The following UTRN variants were observed in gnomAD, a reference collection of about 807,000 sequenced individuals.
UTRN encodes dystrophin-related protein 1.
UTRN carries 283 observed loss-of-function variants against 463.9 expected under a neutral mutation model. The observed-to-expected ratio is 0.61, with a 90% CI of 0.55 to 0.67. UTRN has a LOEUF of 0.67. Ranked by LOEUF, UTRN falls within the 30% of genes least tolerant of loss-of-function variation. UTRN has a pLI of 0.00. For synonymous variants in UTRN, 1,442 were observed against 1,431.5 expected (o/e 1.01, Z -0.17); for missense variants, 3,922 against 4,084.3 (o/e 0.96, Z 1.08).
intron 62 of UTRN, 39 bp downstream of exon 62, chr6:144,789,318 A>G: frequency 1.4e-6 from 2 of 1,439,636 alleles, no homozygotes; most frequent in Non-Finnish European, 1.9e-6. Context: ...TGTTTTTAGT[A>G]ATAATAATGA....
chr6:144,310,106 A>G (rs1003810067), intron 2 of UTRN, among the ~76,000 whole-genome samples: 14 of 152,242 alleles, frequency 9.2e-5, no homozygotes, highest in African/African-American at 3.1e-4. Context: ...TCTAGGTTGA[A>G]TCACTAGTAT....
At chr6:144,490,770 C>T (rs1462373460) in intron 31 of UTRN, among the ~76,000 whole-genome samples, 159 bp from the exon 32 acceptor site, 1 of 152,154 alleles carries the variant, frequency 6.6e-6, no homozygotes, top group East Asian at 1.9e-4. Flanking sequence ...ATCGGGTACC[C>T]TCACTGAGAT....
intron 51 of UTRN, among the ~76,000 whole-genome samples, chr6:144,673,075 G>A (rs1781219080): frequency 6.6e-6 from 1 of 152,016 alleles, no homozygotes; most frequent in South Asian, 2.1e-4. Context: ...ATTTATTGAG[G>A]ATTGTTTTAT....
At chr6:144,543,999 T>C (rs1019248439) in intron 46 of UTRN, among the ~76,000 whole-genome samples, 7 of 152,200 alleles carry the variant, frequency 4.6e-5, no homozygotes, top group African/African-American at 1.7e-4. Context: ...TCCATAATCA[T>C]AGGGAAAGAA....
At chr6:144,824,431 C>CATTGTATATATATACACTATGTATATAT (rs1554407785) in intron 66 of UTRN, among the ~76,000 whole-genome samples, 17,115 of 112,490 alleles carry the variant, frequency 0.15, 1,471 homozygotes, top group South Asian at 0.2. Context: ...CACACACACA[C>CATTGTATATATATACACTATGTATATAT]ATTGTATATA....
chr6:144,784,529 T>C (rs1368621421), intron 61 of UTRN, among the ~76,000 whole-genome samples: 2 of 152,324 alleles, frequency 1.3e-5, no homozygotes, highest in Admixed American at 1.3e-4. Flanking sequence ...CTTAATTACA[T>C]CTTTAAAGAC....
At chr6:144,550,292 G>C (rs754452711) in intron 47 of UTRN, among the ~76,000 whole-genome samples, 1 of 152,104 alleles carries the variant, frequency 6.6e-6, no homozygotes, top group East Asian at 1.9e-4. Context: ...CTACAAAACG[G>C]GTGAATTTGT....
chr6:144,420,984 G>A (rs116037159), intron 3 of UTRN, among the ~76,000 whole-genome samples: 519 of 152,190 alleles, frequency 3.4e-3, no homozygotes, highest in African/African-American at 0.011. Context: ...CTGTATATTT[G>A]TGTGAAATTA....
intron 27 of UTRN, among the ~76,000 whole-genome samples, chr6:144,484,995 ACCTCCG>A (rs1792285336): frequency 6.6e-6 from 1 of 150,508 alleles, no homozygotes; most frequent in African/African-American, 2.4e-5. Flanking sequence ...GCTCACCGCA[ACCTCCG>A]CCTCCCGGGT....
chr6:144,649,465 T>C (rs146605108), intron 51 of UTRN, among the ~76,000 whole-genome samples: 75 of 152,352 alleles, frequency 4.9e-4, no homozygotes, highest in Middle Eastern at 3.4e-3. Flanking sequence ...ACATTTCAGA[T>C]GTTTAATAGC....
intron 53 of UTRN, among the ~76,000 whole-genome samples, chr6:144,724,338 C>T (rs1377558340): frequency 1.7e-4 from 26 of 149,506 alleles, no homozygotes; most frequent in Admixed American, 1.7e-3. Flanking sequence ...AAGTGATTCT[C>T]CTGCCTCAGC....
At chr6:144,844,415 C>G (rs1230653092) in intron 73 of UTRN, among the ~76,000 whole-genome samples, 1 of 152,058 alleles carries the variant, frequency 6.6e-6, no homozygotes, top group Admixed American at 6.5e-5. Context: ...ACTACAGGCA[C>G]ATGCCACCAC....
chr6:144,592,695 C>T (rs371804572), intron 51 of UTRN, among the ~76,000 whole-genome samples: 18 of 152,198 alleles, frequency 1.2e-4, no homozygotes, highest in South Asian at 1.0e-3. Context: ...TATTTATTGC[C>T]GGATTTCCAT....
At chr6:144,595,955 C>T (rs1022472126) in intron 51 of UTRN, among the ~76,000 whole-genome samples, 2 of 151,998 alleles carry the variant, frequency 1.3e-5, no homozygotes, top group African/African-American at 4.8e-5. Context: ...TGTGGAAGAT[C>T]CTTATACGGT....
intron 51 of UTRN, 26 bp downstream of exon 51, chr6:144,577,314 T>C (rs769891820): frequency 6.2e-7 from 1 of 1,609,174 alleles, no homozygotes; most frequent in Non-Finnish European, 8.5e-7. Context: ...ACCACACCAG[T>C]ACCTGTGTTT....
intron 51 of UTRN, among the ~76,000 whole-genome samples, chr6:144,675,389 C>G (rs932767724): frequency 2.6e-5 from 4 of 152,156 alleles, no homozygotes; most frequent in Non-Finnish European, 5.9e-5. Flanking sequence ...CTGTGGGAAT[C>G]CTTGGTTGTA....
intron 23 of UTRN, among the ~76,000 whole-genome samples, chr6:144,466,520 T>C (rs140404097): frequency 5.3e-5 from 8 of 152,368 alleles, no homozygotes; most frequent in African/African-American, 1.9e-4. Context: ...CCTCCATTCC[T>C]GTACTTACGA....
chr6:144,586,281 C>T (rs1802453917), intron 51 of UTRN, among the ~76,000 whole-genome samples: 1 of 152,084 alleles, frequency 6.6e-6, no homozygotes. Flanking sequence ...TCTATTTACA[C>T]ATTCACGTGT....
chr6:144,635,912 C>G (rs1777122002), intron 51 of UTRN, among the ~76,000 whole-genome samples: 1 of 151,958 alleles, frequency 6.6e-6, no homozygotes, highest in African/African-American at 2.4e-5. Flanking sequence ...GTCATTCTTT[C>G]CTTTGGCTGT....
Sources: gnomAD v4.1 joint callset for allele counts (sites outside exome capture counted in the v4.1 genomes callset) on GRCh38, gnomAD v4.1.1 for gene constraint, MANE v1.5 for transcripts, NCBI Gene and HGNC (gene_info 2026-07-23, HGNC 2026-07-21) for gene names.